Variants in PSMD1 observed in about 807,000 individuals in gnomAD.
PSMD1 encodes the protein 26S proteasome non-ATPase regulatory subunit 1.
A neutral mutation model predicts 119.0 loss-of-function variants in PSMD1; 18 were observed. The ratio of observed to expected loss-of-function variants is 0.15; its 90% CI spans 0.10 to 0.22. The LOEUF (loss-of-function observed/expected upper bound fraction) is 0.22, where lower values mean the gene tolerates loss of function less well. Among genes scored for constraint, PSMD1 ranks in the 10% least tolerant of loss-of-function variants. PSMD1 has a pLI of 1.00. For missense variants in PSMD1, 702 were observed against 1,158.5 expected (o/e 0.61, Z 5.72); for synonymous variants, 374 against 396.6 (o/e 0.94, Z 0.68).
rs545975943 is a variant in PSMD1 at position 231,109,935 on chromosome 2, G to C, written c.1883+22754G>C. Among the ~76,000 whole-genome samples, 5 of 152,192 alleles carry C rather than the reference G, an allele frequency of 3.3e-5. No homozygotes were observed. In the East Asian group the frequency reaches 5.8e-4, roughly 18 times the overall value. On this transcript the variant is annotated intron_variant, in intron 16 of 24. Transcript: ENST00000308696. Reference sequence around the variant, plus strand: ...AATCCTTTCCATCTAACTTCTTAGGGAAAACTAAAGTTCATTAAAAAGTGC... The same window carrying C: ...AATCCTTTCCATCTAACTTCTTAGGCAAAACTAAAGTTCATTAAAAAGTGC...
At position 231,099,115 on chromosome 2, in the gene PSMD1, A is replaced by C. The variant is rs527263557; in HGVS notation, c.1883+11934A>C. On this transcript the variant is annotated intron_variant, in intron 16 of 24. Transcript: ENST00000308696. ...AATTTGGAATGGGATCTGAGGCAGCAGTGGCTGTCTGAGCGGAAAGATTGG... is the reference window on the plus strand; with the variant it reads ...AATTTGGAATGGGATCTGAGGCAGCCGTGGCTGTCTGAGCGGAAAGATTGG... 1.3e-4 allele frequency among the ~76,000 whole-genome samples: 20 copies of C among 152,280 alleles called. No homozygotes were observed. The South Asian group carries it at 4.2e-3, about 32-fold the overall frequency.
At chr2:231,121,452 A>G (rs1160575387) in intron 16 of PSMD1, among the ~76,000 whole-genome samples, 2 of 152,242 alleles carry the variant, frequency 1.3e-5, no homozygotes, top group Admixed American at 6.5e-5. Flanking sequence ...TATTTAAGAC[A>G]TAAATATGAA....
intron 16 of PSMD1, chr2:231,109,371 C>T: frequency 6.2e-7 from 1 of 1,614,102 alleles, no homozygotes; most frequent in Non-Finnish European, 8.5e-7. Context: ...TTGTCCACAT[C>T]AGTCTCTATC....
At chr2:231,088,706 A>G (rs897632596) in intron 16 of PSMD1, among the ~76,000 whole-genome samples, 1 of 152,182 alleles carries the variant, frequency 6.6e-6, no homozygotes, top group Non-Finnish European at 1.5e-5. Context: ...GGGACTCCCT[A>G]TTCCCTGAGA....
intron 16 of PSMD1, among the ~76,000 whole-genome samples, chr2:231,127,038 C>T (rs999013751): frequency 8.5e-5 from 13 of 152,048 alleles, no homozygotes; most frequent in Non-Finnish European, 1.5e-4. Flanking sequence ...CGCACACACA[C>T]GCACAGACGT....
chr2:231,161,516 CTG>C lies in PSMD1; in HGVS notation c.2388+10_2388+11del. The C allele has an allele frequency of 6.2e-7, 1 of 1,608,750 alleles. No homozygotes were observed. The highest frequency in any genetic ancestry group is 1.1e-5 in the South Asian group (1 of 90,600). ...CCTTAACAAGGACTTAAAGGTATGTCTGTGAGACCTCAGCTTTGTAGTATTTC... is the reference window on the plus strand; with the variant it reads ...CCTTAACAAGGACTTAAAGGTATGTCTGAGACCTCAGCTTTGTAGTATTTC... On this transcript the variant is annotated splice_region_variant and intron_variant, in intron 20 of 24. Coordinates refer to ENST00000308696, the MANE Select transcript of PSMD1 (RefSeq NM_002807.4).
At chr2:231,135,653 T>C (rs1202703755) in intron 16 of PSMD1, among the ~76,000 whole-genome samples, 1 of 152,172 alleles carries the variant, frequency 6.6e-6, no homozygotes, top group African/African-American at 2.4e-5. Flanking sequence ...AATCTATCTC[T>C]AATTATAAAG....
chr2:231,077,505 C>G (rs1355328097), intron 9 of PSMD1, among the ~76,000 whole-genome samples: 1 of 151,984 alleles, frequency 6.6e-6, no homozygotes, highest in East Asian at 1.9e-4. Flanking sequence ...GCTCCAAACT[C>G]TGTGGAGTGT....
chr2:231,155,893 A>G (rs915541958), intron 19 of PSMD1, among the ~76,000 whole-genome samples: 1 of 152,090 alleles, frequency 6.6e-6, no homozygotes, highest in Non-Finnish European at 1.5e-5. Context: ...AACCGTTTCA[A>G]TTCTAGATGG....
chr2:231,084,605 A>G (rs1022452297), intron 14 of PSMD1, among the ~76,000 whole-genome samples: 24 of 152,118 alleles, frequency 1.6e-4, no homozygotes, highest in Non-Finnish European at 2.6e-4. Flanking sequence ...ATTATTAATT[A>G]ATTTGTTCAG....
chr2:231,152,461 C>A (rs77321897), intron 18 of PSMD1, among the ~76,000 whole-genome samples: 3,381 of 152,120 alleles, frequency 0.022, 139 homozygotes, highest in African/African-American at 0.077. Context: ...CCTATAATAG[C>A]CATGTAAGGT....
At chr2:231,078,508 T>C (rs1694221470) in intron 9 of PSMD1, 151 bp from the exon 10 acceptor site, 3 of 455,458 alleles carry the variant, frequency 6.6e-6, no homozygotes, top group Non-Finnish European at 1.1e-5. Flanking sequence ...ATTTAGTCTT[T>C]ATAAAAGAAA....
In PSMD1 at chr2:231,170,735, A is replaced by C. The variant is rs781601810; in HGVS notation, c.*9+14A>C. On this transcript the variant is annotated intron_variant, in intron 24 of 24. Transcript: ENST00000308696. The surrounding 1 kb of genome is among the most constrained non-coding windows in gnomAD (Gnocchi z 4.1). ...TAAGGGCCAGAGGTGCGTGTGCAACAAAATTATGAAGGGAAACTTCTTTGT... is the reference window on the plus strand; with the variant it reads ...TAAGGGCCAGAGGTGCGTGTGCAACCAAATTATGAAGGGAAACTTCTTTGT... 2 of 1,562,582 alleles carry C rather than the reference A, an allele frequency of 1.3e-6. No individual in the cohort carries two copies. Among genetic ancestry groups the C allele is most frequent in the Admixed American group, 2.0e-5 (1 of 50,870 alleles).
rs139657132 is a variant in PSMD1 at position 231,107,144 on chromosome 2, A to T, written c.1883+19963A>T. On this transcript the variant is annotated intron_variant, in intron 16 of 24. Transcript: ENST00000308696. Reference sequence around the variant, plus strand: ...GATTTAGGAATTAAATGTGTATGATATACTCTTCCCAGCAGATTATATATA... The same window carrying T: ...GATTTAGGAATTAAATGTGTATGATTTACTCTTCCCAGCAGATTATATATA... Among the ~76,000 whole-genome samples, 134 of 152,332 alleles carry T rather than the reference A, an allele frequency of 8.8e-4. 1 individual carries two copies. The highest frequency in any genetic ancestry group is 3.0e-3 in the African/African-American group (124 of 41,580).
chr2:231,117,908 G>A (rs940618401), intron 16 of PSMD1, among the ~76,000 whole-genome samples: 2 of 152,146 alleles, frequency 1.3e-5, no homozygotes, highest in Non-Finnish European at 2.9e-5. Context: ...GTTACATGGG[G>A]TTATTTAAGG....
intron 16 of PSMD1, among the ~76,000 whole-genome samples, chr2:231,109,976 T>G (rs1210331165): frequency 6.6e-6 from 1 of 152,046 alleles, no homozygotes; most frequent in Non-Finnish European, 1.5e-5. Flanking sequence ...AAAATTTGAG[T>G]GTGTGTGAAT....
intron 5 of PSMD1, among the ~76,000 whole-genome samples, chr2:231,067,749 G>A (rs940432446): frequency 3.3e-4 from 50 of 151,980 alleles, no homozygotes; most frequent in Middle Eastern, 3.4e-3. Context: ...CTCTGCCTCC[G>A]GGGTTCAAGC....
intron 4 of PSMD1, 59 bp from the exon 5 acceptor site, chr2:231,066,847 C>T: frequency 7.5e-7 from 1 of 1,341,644 alleles, no homozygotes; most frequent in Non-Finnish European, 1.0e-6. Context: ...ATAGGCATTG[C>T]CCTTTCTGAT....
intron 16 of PSMD1, among the ~76,000 whole-genome samples, chr2:231,105,525 C>T (rs1694954203): frequency 6.6e-6 from 1 of 151,558 alleles, no homozygotes; most frequent in Non-Finnish European, 1.5e-5. Flanking sequence ...CTATAATGAA[C>T]AAATTGATAA....
Sources: gnomAD v4.1 joint callset for allele counts (sites outside exome capture counted in the v4.1 genomes callset) on GRCh38, gnomAD v4.1.1 for gene constraint, Gnocchi (gnomAD v3.1) non-coding constraint, MANE v1.5 for transcripts, NCBI Gene and HGNC (gene_info 2026-07-23, HGNC 2026-07-21) for gene names.